Variants in EEF1AKMT1 observed in about 807,000 individuals in gnomAD.
EEF1AKMT1 encodes EEF1A lysine methyltransferase 1.
Under a neutral mutation model 21.0 loss-of-function variants are expected in EEF1AKMT1, and 18 were observed. The observed-to-expected ratio is 0.86, with a 90% CI of 0.59 to 1.27. EEF1AKMT1 has a LOEUF of 1.27. EEF1AKMT1 is among the 50% of genes most tolerant of loss of function. The pLI, the probability that EEF1AKMT1 is intolerant of heterozygous loss-of-function variation, is 0.00. For missense variants in EEF1AKMT1, 246 were observed against 258.6 expected (o/e 0.95, Z 0.33); for synonymous variants, 109 against 94.8 (o/e 1.15, Z -0.87).
At chr13:20,745,867 A>C (rs1207621998) in intron 2 of EEF1AKMT1, among the ~76,000 whole-genome samples, 1 of 152,136 alleles carries the variant, frequency 6.6e-6, no homozygotes, top group Non-Finnish European at 1.5e-5. Context: ...AAAAATAAAA[A>C]TAAAAATAAA....
chr13:20,749,871 G>A (rs1012700124), intron 2 of EEF1AKMT1, among the ~76,000 whole-genome samples: 4 of 152,144 alleles, frequency 2.6e-5, no homozygotes, highest in African/African-American at 9.7e-5. Context: ...TTTTCTTCTG[G>A]AAGGCTCTAG....
intron 1 of EEF1AKMT1, among the ~76,000 whole-genome samples, chr13:20,760,978 G>C (rs1436506508): frequency 6.6e-6 from 1 of 152,140 alleles, no homozygotes; most frequent in African/African-American, 2.4e-5. Context: ...TCCATCCCAT[G>C]TATCCTTCCA....
intron 2 of EEF1AKMT1, among the ~76,000 whole-genome samples, chr13:20,738,966 G>A (rs955882245): frequency 4.6e-5 from 7 of 152,144 alleles, no homozygotes; most frequent in African/African-American, 1.7e-4. Context: ...ATGAAGCTGT[G>A]GACCCTCACG....
chr13:20,765,690 C>A (rs1250375819), intron 1 of EEF1AKMT1, among the ~76,000 whole-genome samples: 3 of 151,980 alleles, frequency 2.0e-5, no homozygotes, highest in African/African-American at 2.4e-5. Context: ...GGATTACAGG[C>A]ATGAGCCACT....
intron 1 of EEF1AKMT1, among the ~76,000 whole-genome samples, chr13:20,760,030 G>A (rs4359299): frequency 0.28 from 42,398 of 150,464 alleles, 7,498 homozygotes; most frequent in East Asian, 0.75. Context: ...GCGCGAACCC[G>A]GGAGGCGGAG....
intron 2 of EEF1AKMT1, among the ~76,000 whole-genome samples, chr13:20,751,682 T>TC (rs2058941498): frequency 6.6e-6 from 1 of 151,794 alleles, no homozygotes; most frequent in South Asian, 2.1e-4. Context: ...CTTTTTTTTT[T>TC]CTGTGAAAAA....
intron 1 of EEF1AKMT1, among the ~76,000 whole-genome samples, chr13:20,761,699 AG>A (rs1476240673): frequency 1.3e-5 from 2 of 152,330 alleles, no homozygotes; most frequent in Admixed American, 1.3e-4. Flanking sequence ...CTGTACTATG[AG>A]GTTTACTGTG....
chr13:20,754,995 G>A (rs1053840870), intron 2 of EEF1AKMT1, among the ~76,000 whole-genome samples: 5 of 152,234 alleles, frequency 3.3e-5, no homozygotes, highest in African/African-American at 1.2e-4. Flanking sequence ...CAGGATTCCA[G>A]GTGGGAACAG....
At chr13:20,764,917 A>ACACACACACACACACACACC (rs71087097) in intron 1 of EEF1AKMT1, among the ~76,000 whole-genome samples, 1 of 146,394 alleles carries the variant, frequency 6.8e-6, no homozygotes, top group Middle Eastern at 3.6e-3. Flanking sequence ...ACACACACAC[A>ACACACACACACACACACACC]CCCTAATTTT....
chr13:20,729,926 A>C (rs1482159318), intron 4 of EEF1AKMT1, among the ~76,000 whole-genome samples: 1 of 152,218 alleles, frequency 6.6e-6, no homozygotes. Flanking sequence ...CGAACGTCTT[A>C]CGTCTTCAGA....
chr13:20,741,926 G>A (rs544037696), intron 2 of EEF1AKMT1, among the ~76,000 whole-genome samples: 1 of 152,130 alleles, frequency 6.6e-6, no homozygotes, highest in Non-Finnish European at 1.5e-5. Context: ...TCATAGCTGA[G>A]TTTCTTAAAT....
intron 3 of EEF1AKMT1, among the ~76,000 whole-genome samples, chr13:20,732,458 G>A (rs988622604): frequency 6.6e-6 from 1 of 152,088 alleles, no homozygotes; most frequent in African/African-American, 2.4e-5. Flanking sequence ...TTCCTCCCAA[G>A]TAGCTGGGAT....
chr13:20,755,409 CTA>C (rs1382302727), intron 2 of EEF1AKMT1, among the ~76,000 whole-genome samples: 2 of 152,222 alleles, frequency 1.3e-5, no homozygotes, highest in African/African-American at 4.8e-5. Context: ...AGGCAGTTCC[CTA>C]TGTTTGCCTC....
intron 1 of EEF1AKMT1, among the ~76,000 whole-genome samples, chr13:20,773,539 A>C (rs2059073695): frequency 6.6e-6 from 1 of 152,218 alleles, no homozygotes; most frequent in Non-Finnish European, 1.5e-5. Flanking sequence ...GGCAAAGATG[A>C]AAAGGACAGC....
intron 2 of EEF1AKMT1, among the ~76,000 whole-genome samples, chr13:20,751,605 T>A (rs946056086): frequency 6.6e-6 from 1 of 152,188 alleles, no homozygotes; most frequent in African/African-American, 2.4e-5. Flanking sequence ...GCCTCCACCC[T>A]TGTTCTATTC....
chr13:20,762,944 C>A (rs1165294631), intron 1 of EEF1AKMT1, among the ~76,000 whole-genome samples: 1 of 152,184 alleles, frequency 6.6e-6, no homozygotes, highest in Admixed American at 6.5e-5. Flanking sequence ...TTTTCTTTAA[C>A]CTCATGATAT....
At chr13:20,731,632 G>A (rs1281059043) in intron 4 of EEF1AKMT1, among the ~76,000 whole-genome samples, 1 of 152,166 alleles carries the variant, frequency 6.6e-6, no homozygotes, top group East Asian at 1.9e-4. Context: ...ACCCAGTGTT[G>A]GGTACTTTGT....
intron 3 of EEF1AKMT1, among the ~76,000 whole-genome samples, chr13:20,732,974 T>C (rs1303362671): frequency 6.6e-6 from 1 of 152,188 alleles, no homozygotes; most frequent in African/African-American, 2.4e-5. Context: ...TTAAAGTATC[T>C]ATCTCATTAC....
At chr13:20,746,429 G>A (rs1024830430) in intron 2 of EEF1AKMT1, among the ~76,000 whole-genome samples, 3 of 152,202 alleles carry the variant, frequency 2.0e-5, no homozygotes, top group African/African-American at 7.2e-5. Flanking sequence ...GGGATTAGAG[G>A]CATGAGGCAC....
Sources: allele counts gnomAD v4.1 joint callset (sites outside exome capture counted in the v4.1 genomes callset), GRCh38; gene constraint gnomAD v4.1.1; transcripts MANE v1.5; gene names NCBI Gene and HGNC (gene_info 2026-07-23, HGNC 2026-07-21).